Variants in C2 observed in about 807,000 individuals in gnomAD.
C2 encodes complement C2.
Under a neutral mutation model 85.2 loss-of-function variants are expected in C2, and 64 were observed. The observed-to-expected ratio is 0.75, with a 90% CI of 0.61 to 0.92. The LOEUF is 0.92. Ranked by LOEUF, C2 falls within the 40% of genes least tolerant of loss-of-function variation. The pLI is 0.00. For missense variants in C2, 820 were observed against 971.6 expected, an observed-to-expected ratio of 0.84 and a Z score of 2.07; for synonymous variants, 311 against 370.8, an observed-to-expected ratio of 0.84 and a Z score of 1.85.
chr6:31,944,076 C>A lies in C2; in HGVS notation c.1811-59C>A. On this transcript the variant is annotated intron_variant, in intron 14 of 17. Transcript: ENST00000299367. The surrounding 1 kb of genome is among the most constrained non-coding windows in gnomAD (Gnocchi z 5.1). ...AAGGACTAGGCTGCAGTCCCCAAGC[C>A]AGGAACCTGGATTCTGGGTAAAAGG... is the stretch of plus-strand genomic sequence containing the variant. The A allele has an allele frequency of 6.3e-7, 1 of 1,592,226 alleles. No individual in the cohort carries two copies. Among genetic ancestry groups the A allele is most frequent in the Non-Finnish European group, 8.6e-7 (1 of 1,161,068 alleles).
upstream of C2, among the ~76,000 whole-genome samples, chr6:31,924,234 A>G (rs950614973): frequency 1.3e-5 from 2 of 152,250 alleles, no homozygotes; most frequent in South Asian, 4.1e-4. Context: ...TGGCTCTCAC[A>G]TTGATTTCTT....
chr6:31,908,833 G>A (rs1440763639), intron 1 of C2, among the ~76,000 whole-genome samples: 1 of 151,868 alleles, frequency 6.6e-6, no homozygotes, highest in African/African-American at 2.4e-5. Flanking sequence ...TTAAAATTAA[G>A]GTTACATACA....
chr6:31,912,603 G>A (rs994801858), intron 1 of C2, among the ~76,000 whole-genome samples: 3 of 152,112 alleles, frequency 2.0e-5, no homozygotes, highest in Non-Finnish European at 4.4e-5. Context: ...ACTTTGGGAG[G>A]CTGAGGCAGG....
upstream of C2, chr6:31,900,342 C>T: frequency 1.9e-6 from 3 of 1,609,556 alleles, no homozygotes; most frequent in Non-Finnish European, 2.5e-6. This position sits in a 1 kb window ranked among gnomAD's most constrained non-coding sequence, Gnocchi z 9.7. Context: ...GAGAAGCCCC[C>T]AGGCAGGGGT....
intron 9 of C2, among the ~76,000 whole-genome samples, chr6:31,940,557 G>A (rs773397049): frequency 2.6e-5 from 4 of 152,120 alleles, no homozygotes; most frequent in Non-Finnish European, 4.4e-5. Context: ...AGCTGGTTTT[G>A]AGCCCCAACC....
intron 2 of C2, 59 bp from the exon 3 acceptor site, chr6:31,928,673 C>T (rs540212027): frequency 6.4e-7 from 1 of 1,553,208 alleles, no homozygotes; most frequent in African/African-American, 1.4e-5. Flanking sequence ...CTGCTTAATC[C>T]CCAGCCCAGG....
intron 1 of C2, among the ~76,000 whole-genome samples, chr6:31,905,735 G>T (rs1454078766): frequency 1.3e-5 from 2 of 152,008 alleles, no homozygotes. Context: ...GGCTCCCCAG[G>T]TTTCAGTATT....
At position 31,927,947 on chromosome 6, in the gene C2, G is replaced by A. The variant is rs1387430973; in HGVS notation, c.47-8G>A. ...TCCATTGCTGTCTCCTTGTTCCCAC[G>A]GCTCTAGGTCTGGCAGACTCGGCTC... On this transcript the variant is annotated splice_region_variant and splice_polypyrimidine_tract_variant and intron_variant, in intron 1 of 17. Coordinates refer to ENST00000299367, the MANE Select transcript of C2 (RefSeq NM_000063.6). This position sits in a 1 kb window ranked among gnomAD's most constrained non-coding sequence, Gnocchi z 4.7. The A allele has an allele frequency of 6.2e-7, 1 of 1,612,766 alleles. No homozygotes were observed. Among genetic ancestry groups the A allele is most frequent in the South Asian group, 1.1e-5 (1 of 91,044 alleles).
At chr6:31,924,495 A>G (rs1769156562), upstream of C2, among the ~76,000 whole-genome samples, 1 of 152,168 alleles carries the variant, frequency 6.6e-6, no homozygotes, top group South Asian at 2.1e-4. Context: ...AGTTTTATAC[A>G]TTGAGGAGTA....
At chr6:31,910,000 C>T (rs767663132) in intron 1 of C2, among the ~76,000 whole-genome samples, 1 of 151,658 alleles carries the variant, frequency 6.6e-6, no homozygotes, top group Admixed American at 6.6e-5. Flanking sequence ...CCTGCCTCAG[C>T]CTCCTGAGTA....
chr6:31,943,899 C>T lies in C2; in HGVS notation c.1734-18C>T. 6.2e-7 allele frequency: 1 copy of T among 1,612,574 alleles called. No homozygotes were observed. The highest frequency in any genetic ancestry group is 8.5e-7 in the Non-Finnish European group (1 of 1,179,814). On this transcript the variant is annotated intron_variant, in intron 13 of 17. Transcript: ENST00000299367. The surrounding 1 kb of genome is among the most constrained non-coding windows in gnomAD (Gnocchi z 6.4). Reference sequence around the variant, plus strand: ...GATACTGGGGACAGGCTGGTGTGACCCTTGCTCTTCTCCCCAGGCCCATCT... The same window carrying T: ...GATACTGGGGACAGGCTGGTGTGACTCTTGCTCTTCTCCCCAGGCCCATCT...
At chr6:31,919,838 C>T (rs1353215867), upstream of C2, 2 of 152,240 alleles carry the variant, frequency 1.3e-5, no homozygotes, top group African/African-American at 4.8e-5. Context: ...TGTCTGTCCC[C>T]TATTAATGGA....
At chr6:31,912,353 A>G (rs1403776378) in intron 1 of C2, among the ~76,000 whole-genome samples, 2 of 152,158 alleles carry the variant, frequency 1.3e-5, no homozygotes, top group Non-Finnish European at 2.9e-5. Flanking sequence ...GACATACTTG[A>G]CCACACTGTT....
At chr6:31,929,533 A>G (rs1253404641) in intron 3 of C2, among the ~76,000 whole-genome samples, 2 of 151,626 alleles carry the variant, frequency 1.3e-5, no homozygotes, top group African/African-American at 4.9e-5. Context: ...AGCTTGGCCA[A>G]CATGGTGAAA....
Position 31,943,666 on chromosome 6 carries a change from C to A in C2, c.1590C>A (p.Gly530=). Reference sequence around the variant, plus strand: ...CAGGAGACCCCAAATCCCAGTGGGGCAAAGAATTCCTTATTGAGAAGGCGG... The same window carrying A: ...CAGGAGACCCCAAATCCCAGTGGGGAAAAGAATTCCTTATTGAGAAGGCGG... ...VNVGDPKSQW[G]KEFLIEKAVI... Residue 530 remains glycine, a synonymous_variant, in exon 13 of 18, where the codon GGC becomes GGA. Transcript: ENST00000299367. The surrounding 1 kb of genome is among the most constrained non-coding windows in gnomAD (Gnocchi z 6.4). 1 of 1,613,090 alleles carries A rather than the reference C, an allele frequency of 6.2e-7. No homozygotes were observed. Among genetic ancestry groups the A allele is most frequent in the Non-Finnish European group, 8.5e-7 (1 of 1,180,032 alleles).
At chr6:31,908,088 C>T (rs1362160802) in intron 1 of C2, among the ~76,000 whole-genome samples, 3 of 150,952 alleles carry the variant, frequency 2.0e-5, no homozygotes, top group Admixed American at 6.6e-5. Context: ...CCTCATGATC[C>T]GCCCACCTCA....
chr6:31,919,769 A>G (rs935463775), upstream of C2, among the ~76,000 whole-genome samples: 3 of 152,204 alleles, frequency 2.0e-5, no homozygotes, highest in African/African-American at 7.2e-5. Flanking sequence ...ACACACAGAT[A>G]AGCCTTAAGC....
In C2 at chr6:31,913,715, C is replaced by T. The variant is rs531256230; in HGVS notation, c.73+12576C>T. ...TGGCTGGAGTGTAGTGGCGTGATCTCGGCTCACTGCAACCTCCGCCTCCTG... is the reference window on the plus strand; with the variant it reads ...TGGCTGGAGTGTAGTGGCGTGATCTTGGCTCACTGCAACCTCCGCCTCCTG... On this transcript the variant is annotated intron_variant, in intron 1 of 3. Coordinates refer to the C2 transcript ENST00000452202. Among the ~76,000 whole-genome samples the T allele has an allele frequency of 2.0e-4, 30 of 151,980 alleles. 1 individual carries two copies. The highest frequency in any genetic ancestry group is 1.9e-4 in the East Asian group (1 of 5,164).
intron 1 of C2, among the ~76,000 whole-genome samples, chr6:31,902,880 G>A (rs1767459944): frequency 6.6e-6 from 1 of 152,120 alleles, no homozygotes; most frequent in Non-Finnish European, 1.5e-5. Context: ...TAATTTTAAT[G>A]ATGTGATTTA....
Sources: gnomAD v4.1 joint callset for allele counts (sites outside exome capture counted in the v4.1 genomes callset) on GRCh38, gnomAD v4.1.1 for gene constraint, Gnocchi (gnomAD v3.1) non-coding constraint, MANE v1.5 for transcripts, NCBI Gene and HGNC (gene_info 2026-07-23, HGNC 2026-07-21) for gene names.